The following LYN variants were observed in gnomAD, a reference collection of about 807,000 sequenced individuals.
The protein encoded by LYN is LYN proto-oncogene, Src family tyrosine kinase.
A neutral mutation model predicts 65.0 loss-of-function variants in LYN; 12 were observed. That is an observed-to-expected ratio of 0.18 (90% CI 0.12 to 0.30). The LOEUF is 0.30. Among genes scored for constraint, LYN ranks in the 10% least tolerant of loss-of-function variants. The pLI is 1.00. For synonymous variants in LYN, 222 were observed against 221.2 expected, an observed-to-expected ratio of 1.00 and a Z score of -0.03; for missense variants, 380 against 623.2, an observed-to-expected ratio of 0.61 and a Z score of 4.16.
intron 8 of LYN, among the ~76,000 whole-genome samples, chr8:55,962,715 T>C (rs1445549772): frequency 1.3e-5 from 2 of 152,248 alleles, no homozygotes; most frequent in Non-Finnish European, 2.9e-5. Context: ...ACTGATGAAA[T>C]TGGAGTTCAT....
chr8:55,985,971 C>T (rs571453906), intron 10 of LYN, among the ~76,000 whole-genome samples: 7 of 152,032 alleles, frequency 4.6e-5, no homozygotes, highest in East Asian at 1.9e-4. Context: ...GTTCGAGACC[C>T]GCCTGGGCAA....
chr8:55,882,387 A>G (rs936231204), intron 1 of LYN, among the ~76,000 whole-genome samples: 2 of 152,250 alleles, frequency 1.3e-5, no homozygotes, highest in Non-Finnish European at 2.9e-5. Context: ...TAAATCACCA[A>G]AAACATCTGA....
At position 56,010,926 on chromosome 8, in the gene LYN, A is replaced by G. The variant is rs369865013; in HGVS notation, c.*816A>G. On this transcript the variant is annotated 3_prime_UTR_variant, in exon 13 of 13. Coordinates refer to ENST00000519728, the MANE Select transcript of LYN (RefSeq NM_002350.4). The stretch of plus-strand genomic sequence containing the variant: ...AGAGTCCAGCTTTTTCATTTCCACA[A>G]TTTCCTATATCCAGATTTGTTTTGA... The G allele has an allele frequency of 3.0e-5, 7 of 231,108 alleles. No homozygotes were observed. Among genetic ancestry groups the G allele is most frequent in the Non-Finnish European group, 5.1e-5 (6 of 116,758 alleles). 14.3% of individuals were successfully genotyped at this position (231,108 alleles called of 1,614,324 possible).
rs1205505578 is a variant in LYN at position 56,012,445 on chromosome 8, T to C, written c.*2335T>C. The stretch of plus-strand genomic sequence containing the variant: ...TATTTTAAAAGCTTCTCCAGTCAGC[T>C]AGACACAGTGGCTCATGCCTGTAAT... On this transcript the variant is annotated 3_prime_UTR_variant, in exon 13 of 13. Transcript: ENST00000519728. 1 of 174,372 alleles carries C rather than the reference T, an allele frequency of 5.7e-6. No homozygotes were observed. Among genetic ancestry groups the C allele is most frequent in the African/African-American group, 2.4e-5 (1 of 42,158 alleles). 10.8% of individuals were successfully genotyped at this position (174,372 alleles called of 1,614,324 possible).
intron 1 of LYN, among the ~76,000 whole-genome samples, chr8:55,883,225 A>G (rs1250881674): frequency 1.3e-5 from 2 of 152,232 alleles, no homozygotes; most frequent in Admixed American, 6.5e-5. Flanking sequence ...CTTTTGCACC[A>G]TCGTAAAGTT....
At chr8:55,890,443 C>T (rs1563495572) in intron 1 of LYN, among the ~76,000 whole-genome samples, 2 of 152,008 alleles carry the variant, frequency 1.3e-5, no homozygotes, top group African/African-American at 4.8e-5. Flanking sequence ...TAAGTGGTGC[C>T]AAGGATGTGG....
intron 1 of LYN, among the ~76,000 whole-genome samples, chr8:55,940,644 G>A (rs1806582889): frequency 6.6e-6 from 1 of 152,234 alleles, no homozygotes; most frequent in Non-Finnish European, 1.5e-5. Flanking sequence ...AAAGTGCTGG[G>A]ATTACAGGCC....
chr8:55,979,019 T>C (rs1295208904), intron 10 of LYN, among the ~76,000 whole-genome samples: 2 of 151,676 alleles, frequency 1.3e-5, no homozygotes, highest in African/African-American at 4.8e-5. Flanking sequence ...GATTTTTCTC[T>C]GTACTTAAAT....
At chr8:55,899,486 G>A (rs1204183696) in intron 1 of LYN, among the ~76,000 whole-genome samples, 1 of 152,138 alleles carries the variant, frequency 6.6e-6, no homozygotes, top group Admixed American at 6.5e-5. Context: ...GCAGGAATAA[G>A]ACCACTTCTG....
At chr8:55,925,060 T>G (rs1190747588) in intron 1 of LYN, among the ~76,000 whole-genome samples, 1 of 152,096 alleles carries the variant, frequency 6.6e-6, no homozygotes, top group Non-Finnish European at 1.5e-5. Context: ...CAAACTGGGG[T>G]GATCCGCTTG....
chr8:56,011,545 G>C lies in LYN; in HGVS notation c.*1435G>C. 5.2e-6 allele frequency: 1 copy of C among 191,674 alleles called. No individual in the cohort carries two copies. Among genetic ancestry groups the C allele is most frequent in the East Asian group, 8.3e-5 (1 of 12,014 alleles). 11.9% of individuals were successfully genotyped at this position (191,674 alleles called of 1,614,324 possible). ...GAACATTTCAGATTGGAGAACCAAG[G>C]AGTTGATTGCCTGAACACCTGAACA... is the stretch of plus-strand genomic sequence containing the variant. On this transcript the variant is annotated 3_prime_UTR_variant, in exon 13 of 13. Coordinates refer to ENST00000519728, the MANE Select transcript of LYN (RefSeq NM_002350.4).
chr8:55,999,035 G>A (rs1808447660), intron 11 of LYN, among the ~76,000 whole-genome samples: 2 of 152,154 alleles, frequency 1.3e-5, no homozygotes, highest in South Asian at 4.1e-4. Context: ...GTGGCACATT[G>A]TCAGGGGGCC....
chr8:55,910,160 A>G (rs887169663), intron 1 of LYN, among the ~76,000 whole-genome samples: 5 of 152,006 alleles, frequency 3.3e-5, no homozygotes, highest in Non-Finnish European at 7.4e-5. Flanking sequence ...AGTAAGTCTC[A>G]TTTGTCTACT....
At chr8:55,940,516 C>T (rs962798266) in intron 1 of LYN, among the ~76,000 whole-genome samples, 2 of 152,186 alleles carry the variant, frequency 1.3e-5, no homozygotes, top group African/African-American at 4.8e-5. Flanking sequence ...GCTGGGACTA[C>T]AGGCGTGTGC....
intron 1 of LYN, among the ~76,000 whole-genome samples, chr8:55,883,717 A>G (rs1468267016): frequency 6.6e-6 from 1 of 152,246 alleles, no homozygotes; most frequent in African/African-American, 2.4e-5. Flanking sequence ...GACAGGGCTC[A>G]TAGGACGCAC....
intron 12 of LYN, among the ~76,000 whole-genome samples, chr8:56,001,307 A>C (rs1317706071): frequency 6.6e-6 from 1 of 152,196 alleles, no homozygotes; most frequent in East Asian, 1.9e-4. Flanking sequence ...TCGATGGATG[A>C]GAAAGAAGGC....
intron 1 of LYN, among the ~76,000 whole-genome samples, chr8:55,914,055 A>ACTAG (rs1805715899): frequency 6.6e-6 from 1 of 152,024 alleles, no homozygotes. Context: ...AGATAAGTGG[A>ACTAG]CTAGCATGCA....
intron 1 of LYN, among the ~76,000 whole-genome samples, chr8:55,919,279 G>A (rs1805877623): frequency 6.6e-6 from 1 of 151,984 alleles, no homozygotes; most frequent in African/African-American, 2.4e-5. Flanking sequence ...AGAGTGGAGA[G>A]GGAAATGAAG....
intron 4 of LYN, among the ~76,000 whole-genome samples, chr8:55,948,722 G>A (rs1585629256): frequency 6.6e-6 from 1 of 152,336 alleles, no homozygotes; most frequent in Admixed American, 6.5e-5. Flanking sequence ...TTGCATATGG[G>A]TTGAACAGGG....
Sources: allele counts gnomAD v4.1 joint callset (sites outside exome capture counted in the v4.1 genomes callset), GRCh38; gene constraint gnomAD v4.1.1; transcripts MANE v1.5; gene names NCBI Gene and HGNC (gene_info 2026-07-23, HGNC 2026-07-21).